The following NCKAP5 variants were observed in gnomAD, a reference collection of about 807,000 sequenced individuals.
NCKAP5 encodes the protein NCK associated protein 5.
Under a neutral mutation model 167.0 loss-of-function variants are expected in NCKAP5, and 92 were observed. That is an observed-to-expected ratio of 0.55 (90% CI 0.47 to 0.66). The LOEUF (loss-of-function observed/expected upper bound fraction) is 0.66. NCKAP5 is among the 30% of genes least tolerant of loss of function. NCKAP5 has a pLI of 0.00. For missense variants in NCKAP5, 2,378 were observed against 2,315.0 expected, an observed-to-expected ratio of 1.03 and a Z score of -0.56; for synonymous variants, 891 against 877.4, an observed-to-expected ratio of 1.02 and a Z score of -0.27.
chr2:133,263,103 T>A (rs776334482), intron 4 of NCKAP5, among the ~76,000 whole-genome samples: 3 of 152,196 alleles, frequency 2.0e-5, no homozygotes, highest in Non-Finnish European at 4.4e-5. Context: ...CGCCCCACTA[T>A]GCCCAATCTA....
At chr2:133,175,846 C>T (rs2084437495) in intron 5 of NCKAP5, among the ~76,000 whole-genome samples, 1 of 152,160 alleles carries the variant, frequency 6.6e-6, no homozygotes. Context: ...ACTCTCAGCT[C>T]CATATACCAA....
chr2:132,747,558 G>GCT (rs1679754661), intron 16 of NCKAP5, among the ~76,000 whole-genome samples: 1 of 110,846 alleles, frequency 9.0e-6, no homozygotes, highest in Non-Finnish European at 1.9e-5. Flanking sequence ...CTTTCCAGTA[G>GCT]GGTGGGGATC....
At chr2:133,366,608 A>T (rs1210168834) in intron 3 of NCKAP5, among the ~76,000 whole-genome samples, 1 of 152,188 alleles carries the variant, frequency 6.6e-6, no homozygotes, top group Non-Finnish European at 1.5e-5. Flanking sequence ...GGCCTTAAAA[A>T]AATATTTGAA....
chr2:133,565,545 C>G (rs1010188928), intron 1 of NCKAP5, among the ~76,000 whole-genome samples: 5 of 152,136 alleles, frequency 3.3e-5, no homozygotes, highest in African/African-American at 9.7e-5. Flanking sequence ...CCTGGGCAGG[C>G]CAGTTCCAGA....
chr2:133,418,445 A>C (rs1299198453), intron 3 of NCKAP5, among the ~76,000 whole-genome samples: 5 of 152,226 alleles, frequency 3.3e-5, no homozygotes, highest in Non-Finnish European at 7.3e-5. Flanking sequence ...TAGACTGTTC[A>C]GACCTCAGGG....
the NCKAP5 span, among the ~76,000 whole-genome samples, chr2:133,646,723 T>C: frequency 6.6e-6 from 1 of 152,076 alleles, no homozygotes; most frequent in African/African-American, 2.4e-5. Context: ...TGGTGGTGGG[T>C]AAATCACTTT....
At chr2:133,394,106 G>C (rs1022078815) in intron 3 of NCKAP5, among the ~76,000 whole-genome samples, 72 of 152,162 alleles carry the variant, frequency 4.7e-4, no homozygotes, top group African/African-American at 1.7e-3. Flanking sequence ...ACAATGGGTG[G>C]TTCACATAAG....
At chr2:133,533,430 T>C (rs1326752781) in intron 2 of NCKAP5, among the ~76,000 whole-genome samples, 1 of 152,238 alleles carries the variant, frequency 6.6e-6, no homozygotes, top group Non-Finnish European at 1.5e-5. Flanking sequence ...GACTACACTT[T>C]GATTACATGA....
intron 3 of NCKAP5, among the ~76,000 whole-genome samples, chr2:133,383,595 G>A (rs1239010070): frequency 1.3e-5 from 2 of 152,160 alleles, no homozygotes; most frequent in African/African-American, 2.4e-5. Flanking sequence ...TGGGATGGCT[G>A]GGTCAAATGG....
At chr2:132,872,994 C>G (rs1288448593) in intron 9 of NCKAP5, among the ~76,000 whole-genome samples, 7 of 152,140 alleles carry the variant, frequency 4.6e-5, no homozygotes, top group Non-Finnish European at 1.0e-4. Context: ...AGCGAAACCA[C>G]CTAGGACAGG....
intron 3 of NCKAP5, among the ~76,000 whole-genome samples, chr2:133,411,722 C>A (rs541369496): frequency 2.6e-5 from 4 of 152,186 alleles, no homozygotes; most frequent in African/African-American, 9.7e-5. Context: ...TTAGCCATTT[C>A]TCTTGCTTGG....
intron 4 of NCKAP5, among the ~76,000 whole-genome samples, chr2:133,228,687 A>G (rs1380481414): frequency 1.3e-5 from 2 of 152,330 alleles, no homozygotes; most frequent in Middle Eastern, 3.4e-3. Flanking sequence ...CTTAGGAGGC[A>G]CACAAACAAA....
At chr2:133,402,029 G>A (rs1383122872) in intron 3 of NCKAP5, among the ~76,000 whole-genome samples, 1 of 152,140 alleles carries the variant, frequency 6.6e-6, no homozygotes, top group African/African-American at 2.4e-5. Context: ...CCAGGGGGAT[G>A]TCACCCTGTC....
intron 4 of NCKAP5, among the ~76,000 whole-genome samples, chr2:133,214,813 T>C (rs897504833): frequency 3.9e-5 from 6 of 152,192 alleles, no homozygotes; most frequent in Non-Finnish European, 7.4e-5. Flanking sequence ...AGTCTTCTCT[T>C]TGCCCAGGAT....
intron 5 of NCKAP5, among the ~76,000 whole-genome samples, chr2:133,142,283 G>A (rs1286175399): frequency 6.6e-6 from 1 of 152,130 alleles, no homozygotes; most frequent in Non-Finnish European, 1.5e-5. Flanking sequence ...ACAGTCACCA[G>A]AGGAAGCAAA....
intron 19 of NCKAP5, among the ~76,000 whole-genome samples, chr2:132,697,344 T>A (rs73957617): frequency 0.011 from 1,683 of 152,302 alleles, 35 homozygotes; most frequent in African/African-American, 0.038. Context: ...ACTTTTATAT[T>A]TTGTACATTT....
At chr2:133,439,459 C>G (rs113294519) in intron 3 of NCKAP5, among the ~76,000 whole-genome samples, 1 of 152,172 alleles carries the variant, frequency 6.6e-6, no homozygotes, top group African/African-American at 2.4e-5. Context: ...GCTAGGCATA[C>G]AAAAGAGCAA....
intron 6 of NCKAP5, among the ~76,000 whole-genome samples, chr2:132,995,838 G>C (rs1389417239): frequency 6.6e-6 from 1 of 151,902 alleles, no homozygotes; most frequent in South Asian, 2.1e-4. Context: ...AGCCGGGTGT[G>C]GTGGCAGGTG....
intron 6 of NCKAP5, among the ~76,000 whole-genome samples, chr2:133,055,080 GA>G (rs2079749650): frequency 1.3e-5 from 2 of 152,106 alleles, no homozygotes. Flanking sequence ...GGGGAGAAAG[GA>G]GTGAGTAGTG....
Sources: gnomAD v4.1 joint callset for allele counts (sites outside exome capture counted in the v4.1 genomes callset) on GRCh38, gnomAD v4.1.1 for gene constraint, MANE v1.5 for transcripts, NCBI Gene and HGNC (gene_info 2026-07-23, HGNC 2026-07-21) for gene names.